The following CDH4 variants were observed in gnomAD, a reference collection of about 807,000 sequenced individuals.
The protein encoded by CDH4 is cadherin 4, also known as cadherin-4.
A neutral mutation model predicts 86.0 loss-of-function variants in CDH4; 33 were observed. The observed-to-expected ratio is 0.38, with a 90% CI of 0.29 to 0.51. CDH4 has a LOEUF of 0.51. CDH4 is among the 20% of genes least tolerant of loss of function. The probability of loss-of-function intolerance (pLI) is 0.86; values close to 1 mark genes in which losing one functional copy is unlikely to be tolerated. For missense variants in CDH4, 1,114 were observed against 1,307.4 expected (o/e 0.85, Z 2.28); for synonymous variants, 555 against 549.4 (o/e 1.01, Z -0.14).
At chr20:61,913,415 G>C (rs1600766285) in intron 9 of CDH4, among the ~76,000 whole-genome samples, 1 of 152,358 alleles carries the variant, frequency 6.6e-6, no homozygotes, top group Admixed American at 6.5e-5. Flanking sequence ...AAGTGGAAGA[G>C]CACAGCCAAC....
At chr20:61,489,140 G>A (rs535418026) in intron 2 of CDH4, among the ~76,000 whole-genome samples, 5 of 152,180 alleles carry the variant, frequency 3.3e-5, no homozygotes, top group South Asian at 2.1e-4. Flanking sequence ...AACACGAGTC[G>A]CCTCTTCTCA....
At chr20:61,255,123 C>T (rs1600809269) in intron 2 of CDH4, among the ~76,000 whole-genome samples, 186 bp downstream of exon 2, 1 of 152,150 alleles carries the variant, frequency 6.6e-6, no homozygotes, top group Non-Finnish European at 1.5e-5. Flanking sequence ...TGATTCAGAA[C>T]CCCGGTCATT....
chr20:61,881,612 A>C (rs971130887), intron 7 of CDH4, among the ~76,000 whole-genome samples: 5 of 152,172 alleles, frequency 3.3e-5, no homozygotes, highest in Non-Finnish European at 4.4e-5. Context: ...GCTGGAGCAG[A>C]GGCCAACGTC....
rs908078675 is a variant in CDH4 at position 61,709,942 on chromosome 20, G to A, written c.170-33621G>A. On this transcript the variant is annotated intron_variant, in intron 2 of 15. Transcript: ENST00000614565. The surrounding 1 kb of genome is among the most constrained non-coding windows in gnomAD (Gnocchi z 4.8). ...GAGAGTTTTTTTCATTAGCGGGATC[G>A]GGCAAGACCATCTGTGTGTTGTAGG... Among the ~76,000 whole-genome samples the A allele has an allele frequency of 2.6e-5, 4 of 152,060 alleles. No individual in the cohort carries two copies. The highest frequency in any genetic ancestry group is 2.0e-4 in the Admixed American group (3 of 15,250).
intron 4 of CDH4, among the ~76,000 whole-genome samples, chr20:61,775,537 C>G (rs899324953): frequency 1.3e-5 from 2 of 152,202 alleles, no homozygotes; most frequent in Admixed American, 1.3e-4. Context: ...TGTCAACTAA[C>G]AGGTTGGCCG....
chr20:61,613,855 AG>A (rs796178792), intron 2 of CDH4, among the ~76,000 whole-genome samples: 9 of 107,046 alleles, frequency 8.4e-5, no homozygotes, highest in African/African-American at 2.2e-4. Context: ...AATTGGTGGG[AG>A]GGGGGGCTTT....
intron 2 of CDH4, among the ~76,000 whole-genome samples, chr20:61,545,583 A>G (rs2086072280): frequency 6.6e-6 from 1 of 152,054 alleles, no homozygotes; most frequent in Admixed American, 6.5e-5. Context: ...CTTTTTTTTC[A>G]TGATCACCCT....
intron 2 of CDH4, among the ~76,000 whole-genome samples, chr20:61,459,015 A>G (rs1050765743): frequency 1.8e-4 from 26 of 142,444 alleles, no homozygotes; most frequent in Admixed American, 7.1e-5. Flanking sequence ...GAGCCCTGGC[A>G]TTGTCTATTC....
At chr20:61,707,128 G>A (rs1359422581) in intron 2 of CDH4, among the ~76,000 whole-genome samples, 1 of 152,248 alleles carries the variant, frequency 6.6e-6, no homozygotes, top group African/African-American at 2.4e-5. Context: ...ATCCATGTCT[G>A]GACAGAGTGC....
intron 2 of CDH4, among the ~76,000 whole-genome samples, chr20:61,319,263 G>A (rs1035809972): frequency 6.6e-6 from 1 of 152,112 alleles, no homozygotes; most frequent in Non-Finnish European, 1.5e-5. Context: ...TGGGGAAACT[G>A]AGGCTCAGGA....
chr20:61,512,637 C>T (rs1055958435), intron 2 of CDH4, among the ~76,000 whole-genome samples: 2 of 152,150 alleles, frequency 1.3e-5, no homozygotes, highest in South Asian at 2.1e-4. Context: ...GTTCCAACAC[C>T]GGCACCCAAA....
intron 2 of CDH4, among the ~76,000 whole-genome samples, chr20:61,707,599 TA>T (rs2087845580): frequency 6.6e-6 from 1 of 152,166 alleles, no homozygotes; most frequent in African/African-American, 2.4e-5. Flanking sequence ...CAAAGATCAA[TA>T]AAAACAAATC....
chr20:61,280,009 TG>T (rs1457537162), intron 2 of CDH4, among the ~76,000 whole-genome samples: 1 of 151,776 alleles, frequency 6.6e-6, no homozygotes, highest in Non-Finnish European at 1.5e-5. Flanking sequence ...ACTCCATCGG[TG>T]GGGTTGCCTG....
intron 2 of CDH4, among the ~76,000 whole-genome samples, chr20:61,255,791 T>TGTGTGTGTGTGCATGC (rs1467220980): frequency 6.6e-6 from 1 of 152,064 alleles, no homozygotes; most frequent in Non-Finnish European, 1.5e-5. Context: ...TTCCTGTGTA[T>TGTGTGTGTGTGCATGC]GTGTGTGTGT....
rs992327324 is a variant in CDH4 at position 61,879,769 on chromosome 20, C to T, written c.1050+5869C>T. 2.6e-5 allele frequency among the ~76,000 whole-genome samples: 4 copies of T among 152,114 alleles called. No homozygotes were observed. The highest frequency in any genetic ancestry group is 4.4e-5 in the Non-Finnish European group (3 of 68,026). ...GGCTCTGCAGACGCAGGCGCTGTTCCGATTGTTGGGCAGTGAAATTAGCAC... is the reference window on the plus strand; with the variant it reads ...GGCTCTGCAGACGCAGGCGCTGTTCTGATTGTTGGGCAGTGAAATTAGCAC... On this transcript the variant is annotated intron_variant, in intron 7 of 15. Coordinates refer to ENST00000614565, the MANE Select transcript of CDH4 (RefSeq NM_001794.5). This position sits in a 1 kb window ranked among gnomAD's most constrained non-coding sequence, Gnocchi z 4.1.
chr20:61,656,743 G>A (rs1448334484), intron 2 of CDH4, among the ~76,000 whole-genome samples: 1 of 152,170 alleles, frequency 6.6e-6, no homozygotes, highest in Admixed American at 6.5e-5. Flanking sequence ...CCCTGCATTC[G>A]TGAATAGGAG....
At chr20:61,312,219 T>A (rs2084449926) in intron 2 of CDH4, among the ~76,000 whole-genome samples, 2 of 150,066 alleles carry the variant, frequency 1.3e-5, no homozygotes, top group South Asian at 4.2e-4. Context: ...ATGTGCGGTG[T>A]GTGTGTGGTG....
At chr20:61,675,975 C>T (rs1190628291) in intron 2 of CDH4, among the ~76,000 whole-genome samples, 1 of 152,258 alleles carries the variant, frequency 6.6e-6, no homozygotes, top group Non-Finnish European at 1.5e-5. Context: ...CAGCTCTCCC[C>T]TCCTCCTGCC....
chr20:61,326,657 T>C (rs1199043177), intron 2 of CDH4, among the ~76,000 whole-genome samples: 4 of 152,242 alleles, frequency 2.6e-5, no homozygotes, highest in Non-Finnish European at 5.9e-5. Context: ...CCTATGTGGC[T>C]GCATGTGGGG....
Sources: allele counts gnomAD v4.1 joint callset (sites outside exome capture counted in the v4.1 genomes callset), GRCh38; gene constraint gnomAD v4.1.1; non-coding constraint Gnocchi (gnomAD v3.1); transcripts MANE v1.5; gene names NCBI Gene and HGNC (gene_info 2026-07-23, HGNC 2026-07-21).